Variants in GLYATL3 observed in about 807,000 individuals in gnomAD.
GLYATL3 encodes glycine-N-acyltransferase like 3, also known as glycine N-acyltransferase-like protein 3.
In GLYATL3, 31 loss-of-function variants were observed where a neutral mutation model predicts 28.5. The observed-to-expected ratio is 1.09, with a 90% CI of 0.82 to 1.47. The LOEUF is 1.47. Among genes scored for constraint, GLYATL3 ranks in the 40% most tolerant of loss-of-function variants. The pLI, the probability that GLYATL3 is intolerant of heterozygous loss-of-function variation, is 0.00. For synonymous variants in GLYATL3, 141 were observed against 140.2 expected, an observed-to-expected ratio of 1.01 and a Z score of -0.04; for missense variants, 369 against 351.5, an observed-to-expected ratio of 1.05 and a Z score of -0.40.
chr6:49,511,432 T>A (rs1428155063), intron 1 of GLYATL3, among the ~76,000 whole-genome samples: 1 of 152,202 alleles, frequency 6.6e-6, no homozygotes, highest in African/African-American at 2.4e-5. Flanking sequence ...CACTCAAGTC[T>A]TTCTCTAGTC....
chr6:49,525,075 G>A (rs534497931), intron 5 of GLYATL3, among the ~76,000 whole-genome samples: 163 of 142,918 alleles, frequency 1.1e-3, no homozygotes, highest in Admixed American at 1.2e-3. Context: ...CATAACCACA[G>A]AAGTTCTATT....
intron 5 of GLYATL3, 28 bp from the exon 6 acceptor site, chr6:49,526,460 T>G: frequency 6.5e-7 from 1 of 1,535,898 alleles, no homozygotes; most frequent in Non-Finnish European, 8.8e-7. Flanking sequence ...TCTGAGGTCC[T>G]ATTTGTTTTT....
Position 49,515,659 on chromosome 6 carries a change from G to T in GLYATL3, c.85G>T (p.Gly29Ter), listed in dbSNP as rs538421413. 1 of 1,543,662 alleles carries T rather than the reference G, an allele frequency of 6.5e-7. No individual in the cohort carries two copies. Among genetic ancestry groups the T allele is most frequent in the Admixed American group, 2.0e-5 (1 of 50,960 alleles). Residue 29 changes from glycine to a stop codon, truncating the protein, a stop_gained, in exon 3 of 6, where the codon GGA becomes TGA. Transcript: ENST00000371197. LOFTEE classifies it high-confidence loss of function. ...SCFPESLKVY[G>*]AVMNINRGNP... ...TCTGGGTTATCTGACTCAGGTTTAC[G>T]GAGCGGTGATGAACATAAATCGTGG...
At chr6:49,507,992 T>A (rs558713587) in intron 1 of GLYATL3, among the ~76,000 whole-genome samples, 1 of 152,254 alleles carries the variant, frequency 6.6e-6, no homozygotes, top group East Asian at 1.9e-4. Flanking sequence ...TATACAGAGA[T>A]AAGAATTTAC....
intron 3 of GLYATL3, among the ~76,000 whole-genome samples, chr6:49,516,658 G>A: frequency 6.6e-6 from 1 of 152,068 alleles, no homozygotes; most frequent in Non-Finnish European, 1.5e-5. Context: ...GCCAGATGTG[G>A]TGGCTTGTGC....
At chr6:49,507,586 AG>A (rs1769032811) in intron 1 of GLYATL3, among the ~76,000 whole-genome samples, 1 of 152,162 alleles carries the variant, frequency 6.6e-6, no homozygotes. Context: ...AAGCATACCC[AG>A]GGACCTTACT....
At chr6:49,514,074 T>A (rs113821049) in intron 2 of GLYATL3, among the ~76,000 whole-genome samples, 2 of 152,176 alleles carry the variant, frequency 1.3e-5, no homozygotes, top group African/African-American at 4.8e-5. Context: ...ATTATGAAAT[T>A]TAATTAATGA....
chr6:49,504,145 G>A (rs144077191), intron 1 of GLYATL3, among the ~76,000 whole-genome samples: 1,633 of 152,286 alleles, frequency 0.011, 27 homozygotes, highest in African/African-American at 0.036. Flanking sequence ...GCCAGACCTG[G>A]ATCGCTGGAG....
intron 1 of GLYATL3, among the ~76,000 whole-genome samples, chr6:49,500,919 T>G (rs566749896): frequency 1.3e-5 from 2 of 152,330 alleles, no homozygotes; most frequent in South Asian, 4.1e-4. Context: ...TAATGAAAGA[T>G]CCTTATGAAA....
Position 49,526,878 on chromosome 6 carries a change from C to A in GLYATL3, c.831C>A (p.Leu277=), listed in dbSNP as rs912064245. ...FLPCRFHRLI[L]TPATFSGLPH... ...CTTGTCGCTTCCACAGGCTTATTCT[C>A]ACCCCTGCGACTTTCTCTGGCCTGC... The change falls in exon 6 of 6, where the codon CTC becomes CTA. Residue 277 remains leucine, a synonymous_variant. Coordinates refer to ENST00000371197, the MANE Select transcript of GLYATL3 (RefSeq NM_001010904.2). The A allele has an allele frequency of 6.5e-7, 1 of 1,544,300 alleles. No homozygotes were observed. Among genetic ancestry groups the A allele is most frequent in the Non-Finnish European group, 8.8e-7 (1 of 1,142,114 alleles).
At chr6:49,514,695 G>T (rs186681170) in intron 2 of GLYATL3, among the ~76,000 whole-genome samples, 1 of 152,086 alleles carries the variant, frequency 6.6e-6, no homozygotes, top group African/African-American at 2.4e-5. Flanking sequence ...TTATCCAGGT[G>T]TGGTGGTGCT....
At chr6:49,514,765 G>A (rs1442416154) in intron 2 of GLYATL3, among the ~76,000 whole-genome samples, 4 of 152,192 alleles carry the variant, frequency 2.6e-5, no homozygotes, top group Non-Finnish European at 5.9e-5. Context: ...CCCAGGAGGC[G>A]GAGGTTGCAG....
At chr6:49,515,166 T>C (rs146033219) in intron 2 of GLYATL3, among the ~76,000 whole-genome samples, 2 of 152,296 alleles carry the variant, frequency 1.3e-5, no homozygotes, top group East Asian at 3.9e-4. Context: ...CACCCTCTAA[T>C]GATGTCTAAT....
rs1268905011 is a variant in GLYATL3, at chr6:49,518,957, A to T, written c.313+1401A>T. 1.1e-4 allele frequency among the ~76,000 whole-genome samples: 16 copies of T among 152,204 alleles called. No individual in the cohort carries two copies. In the South Asian group the frequency reaches 2.3e-3, roughly 22 times the overall value. On this transcript the variant is annotated intron_variant, in intron 4 of 5. Transcript: ENST00000371197. ...CTCCATCTCAAAAAAAAAAGAAAAA[A>T]ATTATTCGTAAATGCGCAAAAAGAC...
chr6:49,519,649 T>A (rs886459573), intron 4 of GLYATL3, among the ~76,000 whole-genome samples: 14 of 152,206 alleles, frequency 9.2e-5, no homozygotes, highest in African/African-American at 3.4e-4. Context: ...AGATACTAGT[T>A]TGGCTACTGG....
At position 49,526,689 on chromosome 6, in the gene GLYATL3, T is replaced by C. The variant is rs1184570343; in HGVS notation, c.642T>C (p.His214=). The part of the protein sequence containing the change: ...SITDQFATMC[H]GYTLPEHRRK... ...CAGACCAGTTTGCCACCATGTGCCA[T>C]GGCTACACCCTGCCAGAACATCGCA... Residue 214 remains histidine, a synonymous_variant, in exon 6 of 6, where the codon CAT becomes CAC. Coordinates refer to ENST00000371197, the MANE Select transcript of GLYATL3 (RefSeq NM_001010904.2). The C allele has an allele frequency of 6.4e-7, 1 of 1,551,770 alleles. No homozygotes were observed. The highest frequency in any genetic ancestry group is 2.0e-5 in the Admixed American group (1 of 51,006).
At chr6:49,510,875 C>T (rs1246976482) in intron 1 of GLYATL3, among the ~76,000 whole-genome samples, 1 of 152,192 alleles carries the variant, frequency 6.6e-6, no homozygotes, top group Non-Finnish European at 1.5e-5. Context: ...CATATGCTTT[C>T]CAGAGGTTCA....
At chr6:49,504,511 T>C (rs996840148) in intron 1 of GLYATL3, among the ~76,000 whole-genome samples, 2 of 152,152 alleles carry the variant, frequency 1.3e-5, no homozygotes, top group African/African-American at 4.8e-5. Flanking sequence ...ACCAGAGAAA[T>C]GTTTTTCGGC....
At chr6:49,526,212 G>A (rs1255100308) in intron 5 of GLYATL3, among the ~76,000 whole-genome samples, 2 of 152,046 alleles carry the variant, frequency 1.3e-5, no homozygotes, top group Admixed American at 6.6e-5. Flanking sequence ...TCAGGAGTTC[G>A]AGAACAGCCT....
Sources: allele counts gnomAD v4.1 joint callset (sites outside exome capture counted in the v4.1 genomes callset), GRCh38; gene constraint gnomAD v4.1.1; transcripts MANE v1.5; gene names NCBI Gene and HGNC (gene_info 2026-07-23, HGNC 2026-07-21).